The following SOX5 variants were observed in gnomAD, a reference collection of about 807,000 sequenced individuals.
SOX5 encodes SRY-box transcription factor 5.
In SOX5, 9 loss-of-function variants were observed where a neutral mutation model predicts 92.0. That is an observed-to-expected ratio of 0.10 (90% CI 0.06 to 0.17). SOX5 has a LOEUF of 0.17. SOX5 is among the 10% of genes least tolerant of loss of function. The pLI, the probability that SOX5 is intolerant of heterozygous loss-of-function variation, is 1.00. For synonymous variants in SOX5, 344 were observed against 336.3 expected, an observed-to-expected ratio of 1.02 and a Z score of -0.25; for missense variants, 642 against 944.5, an observed-to-expected ratio of 0.68 and a Z score of 4.20.
Position 23,532,686 on chromosome 12 carries a change from T to C in SOX5, c.*1533A>G, listed in dbSNP as rs1939347960. ...CCATTTTATTGGGCTGCAATGACTT[T>C]TAATTAAATCCTACTTTTTATGGCA... On this transcript the variant is annotated 3_prime_UTR_variant, in exon 15 of 15. Transcript: ENST00000451604. 6.6e-6 allele frequency: 1 copy of C among 152,374 alleles called. No homozygotes were observed. The highest frequency in any genetic ancestry group is 1.5e-5 in the Non-Finnish European group (1 of 68,192). 9.4% of individuals were successfully genotyped at this position (152,374 alleles called of 1,614,324 possible).
intron 2 of SOX5, among the ~76,000 whole-genome samples, chr12:23,886,521 A>T (rs1179629158): frequency 1.3e-5 from 2 of 152,018 alleles, no homozygotes; most frequent in East Asian, 3.9e-4. Context: ...AGGCACCAAC[A>T]TACTGCAAGA....
chr12:24,410,372 A>C (rs1261192621), intron 1 of SOX5, among the ~76,000 whole-genome samples: 2 of 152,194 alleles, frequency 1.3e-5, no homozygotes, highest in East Asian at 3.8e-4. Context: ...ATAAAATCTA[A>C]AAATGCTTTG....
chr12:23,910,534 A>C (rs2097340592), intron 1 of SOX5, among the ~76,000 whole-genome samples: 1 of 152,190 alleles, frequency 6.6e-6, no homozygotes, highest in Non-Finnish European at 1.5e-5. Flanking sequence ...AAAGATAGCT[A>C]CCATAACTGT....
intron 1 of SOX5, among the ~76,000 whole-genome samples, chr12:24,554,766 G>A (rs1213803810): frequency 1.3e-5 from 2 of 152,122 alleles, no homozygotes; most frequent in Non-Finnish European, 2.9e-5. Context: ...TTACCAGTCT[G>A]ACTGAGTCTA....
intron 2 of SOX5, chr12:24,368,493 A>G (rs993541294): frequency 6.6e-6 from 1 of 152,246 alleles, no homozygotes; most frequent in Admixed American, 6.5e-5. Context: ...TTCTTTTTAC[A>G]TATTAGCTCT....
intron 2 of SOX5, among the ~76,000 whole-genome samples, chr12:23,859,631 C>T (rs1433883937): frequency 1.3e-5 from 2 of 152,106 alleles, no homozygotes; most frequent in Non-Finnish European, 2.9e-5. Context: ...GCATGTGATC[C>T]CTGTGACCTA....
intron 3 of SOX5, among the ~76,000 whole-genome samples, chr12:24,271,865 T>C (rs1251771927): frequency 1.3e-5 from 2 of 152,172 alleles, no homozygotes; most frequent in African/African-American, 2.4e-5. Flanking sequence ...TTAACGGAGC[T>C]CAATAAAATC....
chr12:24,123,193 G>C (rs1948794615), intron 4 of SOX5, among the ~76,000 whole-genome samples: 1 of 152,092 alleles, frequency 6.6e-6, no homozygotes, highest in Non-Finnish European at 1.5e-5. Context: ...AGCATCTGAG[G>C]GGATGTTCTT....
chr12:24,471,724 T>C (rs1944843219), intron 1 of SOX5, among the ~76,000 whole-genome samples: 1 of 152,188 alleles, frequency 6.6e-6, no homozygotes, highest in Non-Finnish European at 1.5e-5. Flanking sequence ...AAGCATACTT[T>C]GTACTCCAAC....
intron 7 of SOX5, among the ~76,000 whole-genome samples, chr12:23,656,667 A>T (rs1210346909): frequency 6.6e-6 from 1 of 152,124 alleles, no homozygotes; most frequent in Non-Finnish European, 1.5e-5. Flanking sequence ...TATGATATAC[A>T]GTACATATCG....
chr12:23,761,650 A>G (rs1056374045), intron 3 of SOX5, among the ~76,000 whole-genome samples: 1 of 152,172 alleles, frequency 6.6e-6, no homozygotes, highest in African/African-American at 2.4e-5. Context: ...TCTTAACAGT[A>G]TATCACATAC....
intron 3 of SOX5, among the ~76,000 whole-genome samples, chr12:23,811,416 T>C (rs1174231837): frequency 6.6e-6 from 1 of 152,172 alleles, no homozygotes; most frequent in East Asian, 1.9e-4. Context: ...ATACCTGCCC[T>C]ATTTAAAAGA....
chr12:24,308,564 T>C (rs1948845838), intron 2 of SOX5, among the ~76,000 whole-genome samples: 1 of 152,240 alleles, frequency 6.6e-6, no homozygotes, highest in Non-Finnish European at 1.5e-5. Context: ...GCCACTAAGA[T>C]ACTTTGTGGT....
chr12:23,596,078 A>C (rs1345674483), intron 9 of SOX5, among the ~76,000 whole-genome samples: 2 of 152,164 alleles, frequency 1.3e-5, no homozygotes, highest in Admixed American at 1.3e-4. Flanking sequence ...CTTCCAACTT[A>C]AGCTTACATA....
chr12:24,162,386 C>T (rs1327015177), intron 4 of SOX5, among the ~76,000 whole-genome samples: 1 of 152,006 alleles, frequency 6.6e-6, no homozygotes, highest in African/African-American at 2.4e-5. Context: ...AGTAATGACT[C>T]CTAAGTAAGT....
At chr12:24,397,212 T>G (rs1166514867) in intron 1 of SOX5, among the ~76,000 whole-genome samples, 1 of 152,180 alleles carries the variant, frequency 6.6e-6, no homozygotes, top group East Asian at 1.9e-4. Flanking sequence ...CCTCCCTTTT[T>G]TTTTCTTTTT....
At position 23,769,155 on chromosome 12, in the gene SOX5, T is replaced by C. The variant is rs549369683; in HGVS notation, c.482-13431A>G. On this transcript the variant is annotated intron_variant, in intron 3 of 14. Coordinates refer to ENST00000451604, the MANE Select transcript of SOX5 (RefSeq NM_006940.6). ...TATAGAGTAGCACCCTCAGAAATTA[T>C]GAAGCAGCAAAGCCAAATCTCCAAA... 2.6e-5 allele frequency among the ~76,000 whole-genome samples: 4 copies of C among 152,242 alleles called. No homozygotes were observed. In the South Asian group the frequency reaches 8.3e-4, roughly 32 times the overall value.
intron 9 of SOX5, among the ~76,000 whole-genome samples, chr12:23,592,890 C>T (rs1951772413): frequency 6.6e-6 from 1 of 151,994 alleles, no homozygotes; most frequent in Non-Finnish European, 1.5e-5. Context: ...ACCAGCCTGA[C>T]CAACATGGTG....
intron 4 of SOX5, among the ~76,000 whole-genome samples, chr12:24,175,188 C>T (rs1402896459): frequency 2.0e-5 from 3 of 152,208 alleles, no homozygotes; most frequent in African/African-American, 7.2e-5. Flanking sequence ...GTCTTTTTGG[C>T]ATCCATGTTA....
Sources: allele counts gnomAD v4.1 joint callset (sites outside exome capture counted in the v4.1 genomes callset), GRCh38; gene constraint gnomAD v4.1.1; transcripts MANE v1.5; gene names NCBI Gene and HGNC (gene_info 2026-07-23, HGNC 2026-07-21).